Variants in TENM2 observed in about 807,000 individuals in gnomAD.
TENM2 encodes the protein teneurin transmembrane protein 2.
Under a neutral mutation model 245.2 loss-of-function variants are expected in TENM2, and 52 were observed. The ratio of observed to expected loss-of-function variants is 0.21; its 90% CI spans 0.17 to 0.27. The LOEUF (loss-of-function observed/expected upper bound fraction) is 0.27. Among genes scored for constraint, TENM2 ranks in the 10% least tolerant of loss-of-function variants. The pLI is 1.00. For missense variants in TENM2, 3,046 were observed against 3,666.8 expected (o/e 0.83, Z 4.37); for synonymous variants, 1,363 against 1,438.9 (o/e 0.95, Z 1.19).
At chr5:167,182,128 G>A in the TENM2 span, among the ~76,000 whole-genome samples, 8 of 152,202 alleles carry the variant, frequency 5.3e-5, no homozygotes, top group South Asian at 8.3e-4. Context: ...AACATTTCAG[G>A]TAAACATTAT....
chr5:167,050,670 C>T, the TENM2 span, among the ~76,000 whole-genome samples: 3 of 152,170 alleles, frequency 2.0e-5, no homozygotes, highest in Non-Finnish European at 1.5e-5. Context: ...AGAGGGGGCG[C>T]TGCTCAGAAT....
intron 7 of TENM2, among the ~76,000 whole-genome samples, chr5:168,075,109 C>T (rs1002619207): frequency 6.6e-6 from 1 of 152,048 alleles, no homozygotes; most frequent in Non-Finnish European, 1.5e-5. Flanking sequence ...CCCCTGAGGC[C>T]CCAAAGTCCA....
intron 1 of TENM2, among the ~76,000 whole-genome samples, chr5:167,321,243 AT>A (rs1264145482): frequency 2.0e-5 from 3 of 152,092 alleles, no homozygotes; most frequent in Non-Finnish European, 2.9e-5. Context: ...ATGCAAACTC[AT>A]TTTTTTGGCC....
intron 2 of TENM2, among the ~76,000 whole-genome samples, chr5:167,687,981 G>A (rs1385307599): frequency 2.0e-5 from 3 of 152,064 alleles, no homozygotes; most frequent in South Asian, 2.1e-4. Flanking sequence ...CAATAATAGC[G>A]GTATTTATTA....
chr5:167,405,400 T>C (rs1287385569), intron 2 of TENM2, among the ~76,000 whole-genome samples: 1 of 152,134 alleles, frequency 6.6e-6, no homozygotes, highest in African/African-American at 2.4e-5. Flanking sequence ...TTTGCATAAA[T>C]GGACAGCCCA....
At chr5:168,231,350 A>G (rs970962699) in intron 25 of TENM2, among the ~76,000 whole-genome samples, 1 of 152,214 alleles carries the variant, frequency 6.6e-6, no homozygotes, top group African/African-American at 2.4e-5. Context: ...AGCCAGGCAG[A>G]GATAGGGAAC....
chr5:167,223,011 C>T, the TENM2 span, among the ~76,000 whole-genome samples: 1 of 151,996 alleles, frequency 6.6e-6, no homozygotes, highest in Non-Finnish European at 1.5e-5. Context: ...AGAGAATAGT[C>T]TTTCAATAGG....
At chr5:167,577,521 G>A (rs2127673696) in intron 2 of TENM2, among the ~76,000 whole-genome samples, 1 of 152,226 alleles carries the variant, frequency 6.6e-6, no homozygotes, top group Admixed American at 6.5e-5. Flanking sequence ...CTTCTATTTT[G>A]TAATTAATGC....
the TENM2 span, among the ~76,000 whole-genome samples, chr5:167,086,045 T>C: frequency 1.2e-4 from 19 of 152,178 alleles, no homozygotes; most frequent in African/African-American, 4.6e-4. Flanking sequence ...AACTGAAGGA[T>C]GATTCTATTC....
In TENM2 at chr5:167,801,112, ATATATATATATATATATAT is replaced by A. The variant is rs1216090449; in HGVS notation, c.503-74873_503-74855del. 5.9e-4 allele frequency among the ~76,000 whole-genome samples: 30 copies of A among 51,008 alleles called. 1 individual carries two copies. The highest frequency in any genetic ancestry group is 2.1e-3 in the African/African-American group (24 of 11,310). 33.5% of individuals were successfully genotyped at this position (51,008 alleles called of 152,430 possible). ...TTTGAAAAGAAAAAAAAAAAAAAAT[ATATATATATATATATATAT>A]ATATATATATATATATATATATGTA... On this transcript the variant is annotated intron_variant, in intron 2 of 28. Coordinates refer to ENST00000518659, the Ensembl canonical transcript of TENM2.
chr5:167,431,407 T>C (rs546979485), intron 2 of TENM2, among the ~76,000 whole-genome samples: 3 of 152,230 alleles, frequency 2.0e-5, no homozygotes, highest in African/African-American at 7.2e-5. Flanking sequence ...GTATCGCAAG[T>C]AATTTGGGTA....
chr5:167,430,226 G>T (rs1764133980), intron 2 of TENM2, among the ~76,000 whole-genome samples: 1 of 152,168 alleles, frequency 6.6e-6, no homozygotes, highest in South Asian at 2.1e-4. Flanking sequence ...AATCTACCAA[G>T]ATTGAATCCT....
chr5:168,077,150 A>C (rs1791550876), intron 7 of TENM2, among the ~76,000 whole-genome samples: 1 of 152,338 alleles, frequency 6.6e-6, no homozygotes, highest in African/African-American at 2.4e-5. Context: ...GCCTCATTAA[A>C]TGTTAACTCA....
At chr5:167,488,149 T>C (rs1023091115) in intron 2 of TENM2, among the ~76,000 whole-genome samples, 2 of 152,194 alleles carry the variant, frequency 1.3e-5, no homozygotes, top group Non-Finnish European at 2.9e-5. Flanking sequence ...TCATAAATTA[T>C]TCTGTCTTTC....
intron 2 of TENM2, among the ~76,000 whole-genome samples, chr5:167,624,758 T>G (rs1308889663): frequency 6.6e-6 from 1 of 152,222 alleles, no homozygotes; most frequent in Non-Finnish European, 1.5e-5. Flanking sequence ...GAACTTTTCC[T>G]TAACAAGAAC....
chr5:167,422,669 T>C (rs574388848), intron 2 of TENM2, among the ~76,000 whole-genome samples: 1 of 152,206 alleles, frequency 6.6e-6, no homozygotes, highest in African/African-American at 2.4e-5. Context: ...AGCAACAGTC[T>C]ATTTGATGTC....
At chr5:167,397,496 T>C (rs936539146) in intron 2 of TENM2, among the ~76,000 whole-genome samples, 1 of 152,124 alleles carries the variant, frequency 6.6e-6, no homozygotes, top group Non-Finnish European at 1.5e-5. Context: ...AAACCGAGCA[T>C]TGAGTATGCG....
the TENM2 span, among the ~76,000 whole-genome samples, chr5:167,090,106 T>A: frequency 1.3e-5 from 2 of 152,156 alleles, no homozygotes; most frequent in Admixed American, 1.3e-4. Flanking sequence ...TTATTTTTCT[T>A]TTCTTTTTTT....
intron 13 of TENM2, among the ~76,000 whole-genome samples, chr5:168,188,611 A>G (rs1263924200): frequency 6.6e-6 from 1 of 152,188 alleles, no homozygotes; most frequent in East Asian, 1.9e-4. Context: ...AATTAATAAG[A>G]CATCATTTTT....
Sources: gnomAD v4.1 joint callset for allele counts (sites outside exome capture counted in the v4.1 genomes callset) on GRCh38, gnomAD v4.1.1 for gene constraint, MANE v1.5 for transcripts, NCBI Gene and HGNC (gene_info 2026-07-23, HGNC 2026-07-21) for gene names.